The following LEMD3 variants were observed in gnomAD, a reference collection of about 807,000 sequenced individuals.
The protein encoded by LEMD3 is inner nuclear membrane protein Man1.
LEMD3 carries 33 observed loss-of-function variants against 95.2 expected under a neutral mutation model. The observed-to-expected ratio is 0.35, with a 90% confidence interval of 0.26 to 0.46. The LOEUF (loss-of-function observed/expected upper bound fraction) is 0.46. Ranked by LOEUF, LEMD3 falls within the 20% of genes least tolerant of loss-of-function variation. The probability of loss-of-function intolerance (pLI) is 1.00; values close to 1 mark genes in which losing one functional copy is unlikely to be tolerated. For missense variants in LEMD3, 1,210 were observed against 1,192.8 expected (o/e 1.01, Z -0.21); for synonymous variants, 525 against 474.6 (o/e 1.11, Z -1.38).
At chr12:65,243,557 A>G (rs1870999507) in intron 10 of LEMD3, 88 bp downstream of exon 10, 3 of 814,054 alleles carry the variant, frequency 3.7e-6, no homozygotes, top group Admixed American at 3.5e-5. Flanking sequence ...GTGTGTCTGT[A>G]ATTGAAAATG....
At chr12:65,205,109 A>G (rs963114293) in intron 1 of LEMD3, among the ~76,000 whole-genome samples, 11 of 152,106 alleles carry the variant, frequency 7.2e-5, no homozygotes, top group Non-Finnish European at 1.5e-4. Flanking sequence ...GAGAGAGAGA[A>G]TGCAAATGGG....
At chr12:65,171,396 T>C (rs1045833855) in intron 1 of LEMD3, 9 of 431,604 alleles carry the variant, frequency 2.1e-5, no homozygotes, top group South Asian at 6.6e-5. Flanking sequence ...CATTTGTATA[T>C]GTGACAATTC....
At chr12:65,200,488 A>G (rs1246028056) in intron 1 of LEMD3, among the ~76,000 whole-genome samples, 2 of 152,140 alleles carry the variant, frequency 1.3e-5, no homozygotes, top group Non-Finnish European at 1.5e-5. Flanking sequence ...CACCAGTAAT[A>G]GTTCTACATC....
chr12:65,217,312 T>C (rs1263532915), intron 3 of LEMD3, among the ~76,000 whole-genome samples: 1 of 152,220 alleles, frequency 6.6e-6, no homozygotes, highest in Non-Finnish European at 1.5e-5. Flanking sequence ...ACTTCATTTA[T>C]AAAAACCAGA....
chr12:65,218,914 G>A (rs1200437916), intron 4 of LEMD3, among the ~76,000 whole-genome samples: 6 of 151,214 alleles, frequency 4.0e-5, no homozygotes, highest in Non-Finnish European at 5.9e-5. Context: ...TCAGCCTCGC[G>A]AGTAGCTGGA....
intron 1 of LEMD3, among the ~76,000 whole-genome samples, chr12:65,188,434 G>A (rs183998655): frequency 6.6e-6 from 1 of 152,186 alleles, no homozygotes; most frequent in Admixed American, 6.5e-5. Context: ...AAGCAGTGAT[G>A]GGCAGTGAGC....
At chr12:65,231,566 GT>G (rs1256956256) in intron 4 of LEMD3, among the ~76,000 whole-genome samples, 7 of 152,052 alleles carry the variant, frequency 4.6e-5, no homozygotes, top group African/African-American at 1.7e-4. Context: ...ACATGGCTCT[GT>G]AGACCCTCTG....
Position 65,218,094 on chromosome 12 carries a change from T to C in LEMD3, c.1628-458T>C, listed in dbSNP as rs190539373. 7.9e-5 allele frequency among the ~76,000 whole-genome samples: 12 copies of C among 152,338 alleles called. No homozygotes were observed. The East Asian group carries it at 2.3e-3, about 29-fold the overall frequency. ...AATAAATTCAAACTTATTTGAACCC[T>C]TAAATGATTAGCTTTAAGAATAGAT... On this transcript the variant is annotated intron_variant, in intron 3 of 12. Transcript: ENST00000308330.
chr12:65,172,066 G>A (rs1565777007), intron 1 of LEMD3: 1 of 152,248 alleles, frequency 6.6e-6, no homozygotes, highest in African/African-American at 2.4e-5. Context: ...ACCATTCTGA[G>A]CAGAGATTAA....
rs185602143 is a variant in LEMD3 at position 65,211,478 on chromosome 12, C to G, written c.1560+515C>G. On this transcript the variant is annotated intron_variant, in intron 2 of 12. Transcript: ENST00000308330. ...AGAGTGCTATAATACTAATTTTAAC[C>G]TAAATTTTACTTATATAAAAATATT... 4.7e-4 allele frequency among the ~76,000 whole-genome samples: 71 copies of G among 152,186 alleles called. 2 individuals are homozygous for G. In the East Asian group the frequency reaches 0.012, roughly 25 times the overall value.
At chr12:65,193,732 C>CTCTGTGTGTGTG (rs1555193002) in intron 1 of LEMD3, among the ~76,000 whole-genome samples, 11 of 129,356 alleles carry the variant, frequency 8.5e-5, no homozygotes, top group African/African-American at 2.7e-4. Flanking sequence ...ACATAACTGG[C>CTCTGTGTGTGTG]TGTGTGTGTG....
Position 65,203,724 on chromosome 12 carries a change from C to G in LEMD3, c.1523-7202C>G, listed in dbSNP as rs181856475. 2.0e-5 allele frequency among the ~76,000 whole-genome samples: 3 copies of G among 152,134 alleles called. No homozygotes were observed. The East Asian group carries it at 5.8e-4, about 29-fold the overall frequency. ...CTGCTGGATCTGACCATTTCTGGTA[C>G]AGCAGTGTTGAAGTCTCTATATTAG... On this transcript the variant is annotated intron_variant, in intron 1 of 12. Coordinates refer to ENST00000308330, the MANE Select transcript of LEMD3 (RefSeq NM_014319.5).
chr12:65,246,879 T>C lies in LEMD3; in HGVS notation c.*554T>C, dbSNP rs1178008501. The C allele has an allele frequency of 6.4e-6, 1 of 157,474 alleles. No individual in the cohort carries two copies. The highest frequency in any genetic ancestry group is 6.3e-5 in the Admixed American group (1 of 15,998). 9.8% of individuals were successfully genotyped at this position (157,474 alleles called of 1,614,324 possible). On this transcript the variant is annotated 3_prime_UTR_variant, in exon 13 of 13. Transcript: ENST00000308330. The stretch of plus-strand genomic sequence containing the variant: ...ACAAATATGTGTAAGTGGATGTATA[T>C]GTACTTAAACTGGCTTTGTATATAT...
At chr12:65,225,917 G>A (rs1870435172) in intron 4 of LEMD3, among the ~76,000 whole-genome samples, 1 of 152,162 alleles carries the variant, frequency 6.6e-6, no homozygotes, top group Admixed American at 6.5e-5. Flanking sequence ...CAGGCATCTG[G>A]AGTATACTGA....
At chr12:65,196,330 CA>C (rs921703902) in intron 1 of LEMD3, among the ~76,000 whole-genome samples, 8 of 151,294 alleles carry the variant, frequency 5.3e-5, no homozygotes, top group Non-Finnish European at 1.2e-4. Flanking sequence ...TTCTGCACAC[CA>C]AAAAAAACCC....
intron 4 of LEMD3, among the ~76,000 whole-genome samples, chr12:65,225,672 C>T (rs145376953): frequency 7.0e-4 from 106 of 152,294 alleles, no homozygotes; most frequent in Non-Finnish European, 3.1e-4. Context: ...CCTCTGCCTC[C>T]CTAGTTCAAG....
intron 1 of LEMD3, among the ~76,000 whole-genome samples, chr12:65,205,956 A>G (rs1040980673): frequency 6.6e-6 from 1 of 152,182 alleles, no homozygotes; most frequent in Non-Finnish European, 1.5e-5. Flanking sequence ...CATCTATTTA[A>G]TAAAGCCATG....
intron 1 of LEMD3, among the ~76,000 whole-genome samples, chr12:65,206,393 C>T (rs895847146): frequency 1.3e-5 from 2 of 152,122 alleles, no homozygotes; most frequent in African/African-American, 4.8e-5. Context: ...AATTGCTGCC[C>T]TCCAGGACTG....
At chr12:65,230,667 TAG>T (rs1555195399) in intron 4 of LEMD3, among the ~76,000 whole-genome samples, 1 of 152,202 alleles carries the variant, frequency 6.6e-6, no homozygotes, top group Non-Finnish European at 1.5e-5. Context: ...GTGGAACTTT[TAG>T]AGTGTTCCAC....
Sources: gnomAD v4.1 joint callset for allele counts (sites outside exome capture counted in the v4.1 genomes callset) on GRCh38, gnomAD v4.1.1 for gene constraint, MANE v1.5 for transcripts, NCBI Gene and HGNC (gene_info 2026-07-23, HGNC 2026-07-21) for gene names.